The following NEMP2 variants were observed in gnomAD, a reference collection of about 807,000 sequenced individuals.
NEMP2 encodes the protein UPF0571 transmembrane protein.
NEMP2 carries 53 observed loss-of-function variants against 54.2 expected under a neutral mutation model. That is an observed-to-expected ratio of 0.98 (90% CI 0.78 to 1.23). NEMP2 has a LOEUF of 1.23. NEMP2 is among the 50% of genes most tolerant of loss of function. The probability of loss-of-function intolerance (pLI) is 0.00; values close to 1 mark genes in which losing one functional copy is unlikely to be tolerated. For synonymous variants in NEMP2, 197 were observed against 190.3 expected, an observed-to-expected ratio of 1.04 and a Z score of -0.29; for missense variants, 455 against 511.3, an observed-to-expected ratio of 0.89 and a Z score of 1.06.
At chr2:190,518,626 AAAGT>A in intron 4 of NEMP2, 106 bp downstream of exon 4, 1 of 909,024 alleles carries the variant, frequency 1.1e-6, no homozygotes, top group South Asian at 1.9e-5. Context: ...TGCAAAACCT[AAAGT>A]AAGAACTACA....
chr2:190,565,874 G>T, the NEMP2 span, among the ~76,000 whole-genome samples: 1 of 152,192 alleles, frequency 6.6e-6, no homozygotes, highest in Admixed American at 6.5e-5. Context: ...ACACCCACAT[G>T]TACAAAGAAC....
rs1338404359 is a variant in NEMP2, at chr2:190,528,121, G to A, written c.98-2743C>T. Among the ~76,000 whole-genome samples the A allele has an allele frequency of 6.6e-6, 1 of 152,188 alleles. No homozygotes were observed. Among genetic ancestry groups the A allele is most frequent in the African/African-American group, 2.4e-5 (1 of 41,436 alleles). Reference sequence around the variant, plus strand: ...GAATACACAAAGCAACCAATGCTGAGGCACATTTTTGAATATATCTGAGAT... The same window carrying A: ...GAATACACAAAGCAACCAATGCTGAAGCACATTTTTGAATATATCTGAGAT... On this transcript the variant is annotated intron_variant, in intron 1 of 8. Coordinates refer to ENST00000409150, the MANE Select transcript of NEMP2 (RefSeq NM_001142645.2). The surrounding 1 kb of genome is among the most constrained non-coding windows in gnomAD (Gnocchi z 4.3).
At chr2:190,437,049 G>A in the NEMP2 span, 2 of 1,614,230 alleles carry the variant, frequency 1.2e-6, no homozygotes, top group Non-Finnish European at 8.5e-7. This position sits in a 1 kb window ranked among gnomAD's most constrained non-coding sequence, Gnocchi z 5.9. Context: ...TGGCGATGCT[G>A]TCTGTGGGCA....
At chr2:190,625,593 A>G in the NEMP2 span, 1 of 152,242 alleles carries the variant, frequency 6.6e-6, no homozygotes, top group East Asian at 1.9e-4. Context: ...TATTTTATAA[A>G]AGAAAGAAAG....
chr2:190,634,490 CA>C, the NEMP2 span, among the ~76,000 whole-genome samples: 1 of 152,062 alleles, frequency 6.6e-6, no homozygotes, highest in Admixed American at 6.5e-5. The surrounding 1 kb of genome is among the most constrained non-coding windows in gnomAD (Gnocchi z 6.8). Context: ...GCTTATGAAA[CA>C]AGCAAAATTC....
chr2:190,636,655 C>T, the NEMP2 span, among the ~76,000 whole-genome samples: 1 of 152,190 alleles, frequency 6.6e-6, no homozygotes, highest in African/African-American at 2.4e-5. Context: ...AGAATATCTA[C>T]CCCAGGGGCT....
At chr2:190,639,559 T>C in the NEMP2 span, among the ~76,000 whole-genome samples, 1 of 152,228 alleles carries the variant, frequency 6.6e-6, no homozygotes, top group Admixed American at 6.5e-5. Context: ...ATTTGTAAAC[T>C]GCTTTTGAAG....
At chr2:190,550,497 C>T in the NEMP2 span, among the ~76,000 whole-genome samples, 7 of 152,132 alleles carry the variant, frequency 4.6e-5, no homozygotes, top group South Asian at 2.1e-4. This position sits in a 1 kb window ranked among gnomAD's most constrained non-coding sequence, Gnocchi z 4.7. Context: ...CAAACCATAG[C>T]GATGAAATTA....
the NEMP2 span, among the ~76,000 whole-genome samples, chr2:190,446,270 A>C: frequency 4.1e-4 from 62 of 152,304 alleles, no homozygotes; most frequent in East Asian, 0.011. Flanking sequence ...TGAGATTATA[A>C]GAGTATGCTG....
the NEMP2 span, among the ~76,000 whole-genome samples, chr2:190,648,728 G>C: frequency 1.3e-5 from 2 of 151,182 alleles, no homozygotes; most frequent in Non-Finnish European, 3.0e-5. Context: ...CGCCCGGAGC[G>C]GGACTCGCGG....
the NEMP2 span, among the ~76,000 whole-genome samples, chr2:190,587,462 T>C: frequency 6.6e-6 from 1 of 152,304 alleles, no homozygotes; most frequent in South Asian, 2.1e-4. The surrounding 1 kb of genome is among the most constrained non-coding windows in gnomAD (Gnocchi z 5.4). Flanking sequence ...TCTTCATCGC[T>C]GATCTTGGAA....
At chr2:190,515,591 C>T (rs1020318115) in intron 6 of NEMP2, among the ~76,000 whole-genome samples, 1 of 151,940 alleles carries the variant, frequency 6.6e-6, no homozygotes, top group East Asian at 1.9e-4. Flanking sequence ...GGGGAGCATA[C>T]CATGGTATCT....
chr2:190,534,533 C>CGCT, intron 1 of NEMP2, 26 bp downstream of exon 1: 1 of 1,364,140 alleles, frequency 7.3e-7, no homozygotes, highest in Non-Finnish European at 9.4e-7. Context: ...CGCACGCGCG[C>CGCT]GCCGCCGCCG....
the NEMP2 span, among the ~76,000 whole-genome samples, chr2:190,466,056 C>T: frequency 6.6e-6 from 1 of 152,142 alleles, no homozygotes; most frequent in Non-Finnish European, 1.5e-5. Context: ...TTCCAAGGGC[C>T]TCTCTCTTTG....
chr2:190,565,159 A>ATT, the NEMP2 span, among the ~76,000 whole-genome samples: 31 of 150,892 alleles, frequency 2.1e-4, 1 homozygote, highest in Middle Eastern at 3.4e-3. Context: ...GGAAATACGA[A>ATT]TTTTTTTTTT....
Position 190,509,437 on chromosome 2 carries a change from A to AAAAAAC in NEMP2, c.1131-126_1131-125insGTTTTT. The AAAAAAC allele has an allele frequency of 2.8e-6, 3 of 1,069,446 alleles. No homozygotes were observed. Among genetic ancestry groups the AAAAAAC allele is most frequent in the Non-Finnish European group, 4.1e-6 (3 of 738,078 alleles). The allele number at this position is 1,069,446 out of a possible 1,614,324, so 66.2% of individuals were successfully genotyped here. On this transcript the variant is annotated intron_variant, in intron 8 of 8. Coordinates refer to ENST00000409150, the MANE Select transcript of NEMP2 (RefSeq NM_001142645.2). The surrounding 1 kb of genome is among the most constrained non-coding windows in gnomAD (Gnocchi z 6.1). ...TGACTTTGCATCAATACAGGGTGGCATTTACACAGTGGGTGTAAAAATGGG... is the reference window on the plus strand; with the variant it reads ...TGACTTTGCATCAATACAGGGTGGCAAAAAACTTTACACAGTGGGTGTAAAAATGGG...
the NEMP2 span, chr2:190,435,796 G>A: frequency 4.5e-3 from 2,297 of 510,600 alleles, 57 homozygotes; most frequent in African/African-American, 0.039. Flanking sequence ...AAGAGTATTC[G>A]ATTTTTTTAA....
the NEMP2 span, among the ~76,000 whole-genome samples, chr2:190,611,276 G>T: frequency 1.3e-5 from 2 of 152,124 alleles, no homozygotes; most frequent in East Asian, 3.9e-4. The surrounding 1 kb of genome is among the most constrained non-coding windows in gnomAD (Gnocchi z 5.4). Context: ...TACAAATATA[G>T]CCCAAAGAAA....
At chr2:190,584,939 G>GAAAGAAAGAAAGAAAA in the NEMP2 span, among the ~76,000 whole-genome samples, 240 of 146,022 alleles carry the variant, frequency 1.6e-3, 1 homozygote, top group African/African-American at 6.1e-3. The surrounding 1 kb of genome is among the most constrained non-coding windows in gnomAD (Gnocchi z 4.2). Context: ...AAGAAAGAAA[G>GAAAGAAAGAAAGAAAA]AAAGAAAGAA....
Sources: gnomAD v4.1 joint callset for allele counts (sites outside exome capture counted in the v4.1 genomes callset) on GRCh38, gnomAD v4.1.1 for gene constraint, Gnocchi (gnomAD v3.1) non-coding constraint, MANE v1.5 for transcripts, NCBI Gene and HGNC (gene_info 2026-07-23, HGNC 2026-07-21) for gene names.